Variants in ATP10B observed in about 807,000 individuals in gnomAD.
The protein encoded by ATP10B is ATPase phospholipid transporting 10B (putative), also known as phospholipid-transporting ATPase VB.
ATP10B carries 122 observed loss-of-function variants against 141.2 expected under a neutral mutation model. That is an observed-to-expected ratio of 0.86 (90% CI 0.75 to 1.00). ATP10B has a LOEUF of 1.00. Ranked by LOEUF, ATP10B falls within the 50% of genes least tolerant of loss-of-function variation. The pLI is 0.00. For synonymous variants in ATP10B, 685 were observed against 692.0 expected, an observed-to-expected ratio of 0.99 and a Z score of 0.16; for missense variants, 1,876 against 1,825.3, an observed-to-expected ratio of 1.03 and a Z score of -0.51.
chr5:160,834,222 G>A (rs1215006989), intron 1 of ATP10B, among the ~76,000 whole-genome samples: 3 of 152,048 alleles, frequency 2.0e-5, no homozygotes, highest in African/African-American at 7.2e-5. Context: ...CTACTTGGGA[G>A]GCTGAGGCAT....
intron 3 of ATP10B, among the ~76,000 whole-genome samples, chr5:160,703,258 T>C (rs999821119): frequency 6.6e-6 from 1 of 152,144 alleles, no homozygotes; most frequent in Non-Finnish European, 1.5e-5. Context: ...ATGAAGTGAA[T>C]GTTGCAATGA....
At chr5:160,603,809 T>A (rs536909218) in intron 20 of ATP10B, 156 bp downstream of exon 20, 1 of 582,008 alleles carries the variant, frequency 1.7e-6, no homozygotes, top group South Asian at 2.6e-5. Context: ...TGCAAAATGA[T>A]TTCAAATGTC....
chr5:160,917,735 TGG>T, the ATP10B span, among the ~76,000 whole-genome samples: 1 of 152,186 alleles, frequency 6.6e-6, no homozygotes, highest in Non-Finnish European at 1.5e-5. Flanking sequence ...AGAACATGTC[TGG>T]GGATGTCAGA....
At chr5:160,595,127 CCA>C (rs1756586657) in intron 22 of ATP10B, among the ~76,000 whole-genome samples, 1 of 152,180 alleles carries the variant, frequency 6.6e-6, no homozygotes, top group East Asian at 1.9e-4. Flanking sequence ...CCAAAACTGA[CCA>C]CATAGTTGGA....
intron 3 of ATP10B, among the ~76,000 whole-genome samples, chr5:160,689,226 C>T (rs889827573): frequency 2.0e-5 from 3 of 152,160 alleles, no homozygotes; most frequent in Non-Finnish European, 4.4e-5. Context: ...TGGAAAGTAT[C>T]TCGAAATAAT....
chr5:160,819,290 T>G (rs78608846), intron 1 of ATP10B, among the ~76,000 whole-genome samples: 2,777 of 152,052 alleles, frequency 0.018, 87 homozygotes, highest in African/African-American at 0.064. Flanking sequence ...TTAAATTACT[T>G]AAGGAAAAAA....
chr5:160,657,418 G>A (rs1293458671), intron 7 of ATP10B, among the ~76,000 whole-genome samples: 1 of 152,110 alleles, frequency 6.6e-6, no homozygotes, highest in Non-Finnish European at 1.5e-5. Flanking sequence ...ACTTTCCTCT[G>A]GCTCTGGATG....
At chr5:160,612,948 A>G in intron 17 of ATP10B, 23 bp from the exon 18 acceptor site, 1 of 1,598,956 alleles carries the variant, frequency 6.3e-7, no homozygotes, top group Non-Finnish European at 8.5e-7. Context: ...AAAACAACAG[A>G]GTTCACATTT....
intron 1 of ATP10B, among the ~76,000 whole-genome samples, chr5:160,814,988 C>A (rs1385259383): frequency 2.0e-5 from 3 of 152,188 alleles, no homozygotes; most frequent in Admixed American, 6.5e-5. Flanking sequence ...GAAGGAAGCA[C>A]TAAACATGGA....
At chr5:160,759,108 T>C (rs943597929) in intron 2 of ATP10B, among the ~76,000 whole-genome samples, 1 of 152,222 alleles carries the variant, frequency 6.6e-6, no homozygotes. Context: ...TAAAAAATTA[T>C]GATTTAAGAA....
intron 24 of ATP10B, among the ~76,000 whole-genome samples, chr5:160,573,210 TTCTC>T (rs1156544942): frequency 1.3e-5 from 2 of 152,342 alleles, no homozygotes; most frequent in African/African-American, 4.8e-5. Flanking sequence ...GATTTGATCC[TTCTC>T]TCTTTCATTC....
intron 2 of ATP10B, among the ~76,000 whole-genome samples, chr5:160,763,797 A>G (rs1043748494): frequency 2.0e-5 from 3 of 152,106 alleles, no homozygotes; most frequent in Non-Finnish European, 4.4e-5. Context: ...AAACGAAATC[A>G]ATAGACCATT....
chr5:160,599,246 G>A (rs115954931), intron 21 of ATP10B, among the ~76,000 whole-genome samples: 1 of 152,260 alleles, frequency 6.6e-6, no homozygotes, highest in Non-Finnish European at 1.5e-5. Flanking sequence ...ATTGCCAATA[G>A]GTTCTTAGAA....
chr5:160,625,386 T>C (rs976569700), intron 13 of ATP10B, among the ~76,000 whole-genome samples: 2 of 152,206 alleles, frequency 1.3e-5, no homozygotes, highest in Non-Finnish European at 2.9e-5. Flanking sequence ...AAAGGGATTA[T>C]GGAAAATTTC....
At position 160,632,184 on chromosome 5, in the gene ATP10B, C is replaced by G. The variant is rs761621764; in HGVS notation, c.1565G>C (p.Arg522Thr). 1 of 1,614,200 alleles carries G rather than the reference C, an allele frequency of 6.2e-7. No homozygotes were observed. The highest frequency in any genetic ancestry group is 8.5e-7 in the Non-Finnish European group (1 of 1,180,030). ...TGAGCTTTCACGGTGCCCCATAGAC[C>G]TTTGCCGGTAGTGGCCCTGGATGGG... ...RVPIQGHYRQ[R>T]SMGHRESSQP... Residue 522 changes from arginine (R) to threonine (T), a missense_variant, in exon 13 of 26, where the codon AGG becomes ACG. Transcript: ENST00000327245.
intron 22 of ATP10B, 132 bp downstream of exon 22, chr5:160,598,638 A>C: frequency 2.5e-6 from 2 of 807,576 alleles, no homozygotes; most frequent in Non-Finnish European, 2.0e-6. Flanking sequence ...TACTCAAAGT[A>C]AATGATGGAA....
At chr5:160,754,873 C>T (rs529795346) in intron 2 of ATP10B, among the ~76,000 whole-genome samples, 1 of 152,076 alleles carries the variant, frequency 6.6e-6, no homozygotes, top group Non-Finnish European at 1.5e-5. Context: ...CAATGTGTCA[C>T]CTTTTATTTA....
At chr5:160,649,393 G>A in intron 7 of ATP10B, 137 bp from the exon 8 acceptor site, 1 of 643,096 alleles carries the variant, frequency 1.6e-6, no homozygotes, top group Non-Finnish European at 2.6e-6. Context: ...TAGTTGTAAT[G>A]TGTCAGAAAA....
intron 1 of ATP10B, among the ~76,000 whole-genome samples, chr5:160,796,333 G>A (rs995908579): frequency 2.0e-5 from 3 of 152,174 alleles, no homozygotes; most frequent in African/African-American, 7.2e-5. Context: ...TCTTGTCCAA[G>A]AAGCTATGGA....
Sources: gnomAD v4.1 joint callset for allele counts (sites outside exome capture counted in the v4.1 genomes callset) on GRCh38, gnomAD v4.1.1 for gene constraint, MANE v1.5 for transcripts, NCBI Gene and HGNC (gene_info 2026-07-23, HGNC 2026-07-21) for gene names.